TCAF1: variants seen among roughly 807,000 people sequenced by gnomAD.
TCAF1 encodes the protein TRPM8 channel-associated factor 1.
Under a neutral mutation model 27.3 loss-of-function variants are expected in TCAF1, and 4 were observed. That is an observed-to-expected ratio of 0.15 (90% CI 0.07 to 0.34). TCAF1 has a LOEUF of 0.34. TCAF1 is among the 10% of genes least tolerant of loss of function. The probability of loss-of-function intolerance (pLI) is 1.00; values close to 1 mark genes in which losing one functional copy is unlikely to be tolerated. For synonymous variants in TCAF1, 105 were observed against 167.1 expected (o/e 0.63, Z 2.87); for missense variants, 257 against 425.8 (o/e 0.60, Z 3.49).
chr7:143,885,478 A>G (rs1183072630), intron 1 of TCAF1: 9 of 985,254 alleles, frequency 9.1e-6, no homozygotes, highest in African/African-American at 1.7e-5. Flanking sequence ...TTCTACCCCA[A>G]GATGCCGCCC....
In TCAF1 at chr7:143,876,354, G is replaced by A; in HGVS notation, c.255C>T (p.Cys85=). The A allele has an allele frequency of 6.2e-7, 1 of 1,614,194 alleles. No individual in the cohort carries two copies. Residue 85 remains cysteine, a synonymous_variant, in exon 2 of 9, where the codon TGC becomes TGT. Transcript: ENST00000479870. ...CACCAATGGGAGCCCCAGGGGAAGA[G>A]CAAAGCCACCCCACTGCGTTCAGGA... ...PFLLNAVGWL[C]SSPGAPIGVH...
intron 1 of TCAF1, chr7:143,882,696 C>T (rs2116815589): frequency 2.0e-6 from 2 of 985,466 alleles, no homozygotes; most frequent in South Asian, 9.4e-5. Context: ...GTTGCTGGCC[C>T]CTTCTCCAGC....
At chr7:143,900,695 A>G (rs376846300) in intron 1 of TCAF1, among the ~76,000 whole-genome samples, 10 of 152,274 alleles carry the variant, frequency 6.6e-5, no homozygotes, top group African/African-American at 2.4e-4. Flanking sequence ...TTTGGTTTGA[A>G]GCTGCTAGGT....
chr7:143,875,979 A>T lies in TCAF1; in HGVS notation c.620+10T>A. The stretch of plus-strand genomic sequence containing the variant: ...CTGGAGCCAACTCCCCAGTGGGGTA[A>T]CATACTCACCTAACCAACACTGGGA... On this transcript the variant is annotated intron_variant, in intron 2 of 8. Coordinates refer to ENST00000479870, the MANE Select transcript of TCAF1 (RefSeq NM_014719.3). 1 of 1,531,146 alleles carries T rather than the reference A, an allele frequency of 6.5e-7. No individual in the cohort carries two copies. The highest frequency in any genetic ancestry group is 8.8e-7 in the Non-Finnish European group (1 of 1,139,518). 94.8% of individuals were successfully genotyped at this position (1,531,146 alleles called of 1,614,324 possible). A position where few individuals can be genotyped will look rare whatever the true frequency, so the allele number is the denominator to read the frequency against.
chr7:143,885,493 TC>T, intron 1 of TCAF1: 5 of 985,312 alleles, frequency 5.1e-6, no homozygotes, highest in Non-Finnish European at 6.0e-6. Context: ...CCGCCCCAGA[TC>T]CGGGATGGAG....
intron 7 of TCAF1, among the ~76,000 whole-genome samples, chr7:143,857,608 C>T (rs1811597441): frequency 6.6e-6 from 1 of 152,290 alleles, no homozygotes; most frequent in Non-Finnish European, 1.5e-5. Context: ...GTAACAACTG[C>T]AATGATTAAT....
intron 1 of TCAF1, among the ~76,000 whole-genome samples, chr7:143,886,818 T>C (rs1813429289): frequency 1.4e-5 from 2 of 147,056 alleles, no homozygotes. Context: ...GCCTCCCCAG[T>C]AGCTGGGACT....
At chr7:143,897,443 C>T (rs1562974842) in intron 1 of TCAF1, among the ~76,000 whole-genome samples, 1 of 151,630 alleles carries the variant, frequency 6.6e-6, no homozygotes, top group African/African-American at 2.4e-5. Context: ...ATATATAAAA[C>T]ATGTGTTAAT....
At chr7:143,882,381 C>T in intron 1 of TCAF1, 3 of 985,328 alleles carry the variant, frequency 3.0e-6, no homozygotes, top group Non-Finnish European at 3.6e-6. Context: ...CCTTCTCATC[C>T]GACAAAGCAG....
intron 1 of TCAF1, among the ~76,000 whole-genome samples, chr7:143,893,626 C>T (rs989361481): frequency 2.0e-5 from 3 of 151,722 alleles, no homozygotes; most frequent in African/African-American, 4.8e-5. Flanking sequence ...AAAATTCCCA[C>T]GTTTGGAAAT....
chr7:143,884,922 C>A (rs2116828877), intron 1 of TCAF1: 1 of 839,850 alleles, frequency 1.2e-6, no homozygotes, highest in Non-Finnish European at 1.4e-6. Flanking sequence ...AAATAAGAGA[C>A]TGGTAGAAAG....
At chr7:143,873,579 A>G (rs2116760698) in intron 2 of TCAF1, among the ~76,000 whole-genome samples, 1 of 151,690 alleles carries the variant, frequency 6.6e-6, no homozygotes, top group African/African-American at 2.4e-5. Flanking sequence ...AAGTCTTTAA[A>G]ATGAAGAGGT....
chr7:143,876,151 T>C lies in TCAF1; in HGVS notation c.458A>G (p.Gln153Arg), dbSNP rs1381380703. Reference sequence around the variant, plus strand: ...CCCCTGGTTGGCCCAATCCCAGGCTTGTCCTCCTATGAGCAAGCCGCCACC... The same window carrying C: ...CCCCTGGTTGGCCCAATCCCAGGCTCGTCCTCCTATGAGCAAGCCGCCACC... The part of the protein sequence containing the change: ...KCGGGLLIGG[Q>R]AWDWANQGED... Residue 153 changes from glutamine to arginine, a missense_variant, in exon 2 of 9, where the codon CAA becomes CGA. This residue lies in a region of TCAF1 where 255 missense variants were observed against 260.1 expected (regional missense o/e 0.98). Coordinates refer to ENST00000479870, the MANE Select transcript of TCAF1 (RefSeq NM_014719.3). 2 of 1,614,212 alleles carry C rather than the reference T, an allele frequency of 1.2e-6. No homozygotes were observed. Among genetic ancestry groups the C allele is most frequent in the Admixed American group, 3.3e-5 (2 of 60,028 alleles).
chr7:143,885,482 G>T, intron 1 of TCAF1: 1 of 985,390 alleles, frequency 1.0e-6, no homozygotes, highest in Non-Finnish European at 1.2e-6. Context: ...ACCCCAAGAT[G>T]CCGCCCCAGA....
At chr7:143,859,909 TATTACGG>T (rs1176586154) in intron 6 of TCAF1, among the ~76,000 whole-genome samples, 1,678 of 53,502 alleles carry the variant, frequency 0.031, 79 homozygotes, top group South Asian at 0.056. Flanking sequence ...ATATAATATA[TATTACGG>T]AATATATATT....
At position 143,876,018 on chromosome 7, in the gene TCAF1, C is replaced by T; in HGVS notation, c.591G>A (p.Lys197=). ...KGDTSFFKVS[K]KMPKIPVLVS... ...CCAACACTGGGATCTTGGGCATCTT[C>T]TTGGAGACTTTAAAGAAACTCGTGT... The change falls in exon 2 of 9, where the codon AAG becomes AAA. Residue 197 remains lysine, a synonymous_variant. Transcript: ENST00000479870. 6.4e-7 allele frequency: 1 copy of T among 1,568,952 alleles called. No homozygotes were observed. The highest frequency in any genetic ancestry group is 8.6e-7 in the Non-Finnish European group (1 of 1,156,370).
chr7:143,880,152 T>C (rs1349291145), intron 1 of TCAF1, among the ~76,000 whole-genome samples: 1 of 152,230 alleles, frequency 6.6e-6, no homozygotes, highest in Non-Finnish European at 1.5e-5. Flanking sequence ...AACACAATGC[T>C]TACCAGGTTC....
intron 1 of TCAF1, among the ~76,000 whole-genome samples, chr7:143,890,347 A>G (rs1312240941): frequency 1.3e-5 from 2 of 152,136 alleles, no homozygotes; most frequent in Admixed American, 6.5e-5. Flanking sequence ...TAGGACCTTC[A>G]GTTTCTTAGT....
intron 2 of TCAF1, among the ~76,000 whole-genome samples, chr7:143,869,538 G>A (rs1462448125): frequency 6.6e-6 from 1 of 151,654 alleles, no homozygotes; most frequent in Non-Finnish European, 1.5e-5. Context: ...CAGTATTAGA[G>A]AAATGCTGTT....
Sources: gnomAD v4.1 joint callset for allele counts (sites outside exome capture counted in the v4.1 genomes callset) on GRCh38, gnomAD v4.1.1 for gene constraint, gnomAD v4.1.1 regional missense constraint, MANE v1.5 for transcripts, NCBI Gene and HGNC (gene_info 2026-07-23, HGNC 2026-07-21) for gene names.